Variants in CFAP221 observed in about 807,000 individuals in gnomAD.
The protein encoded by CFAP221 is cilia- and flagella-associated protein 221.
Under a neutral mutation model 113.1 loss-of-function variants are expected in CFAP221, and 97 were observed. The observed-to-expected ratio is 0.86, with a 90% CI of 0.73 to 1.02. The LOEUF (loss-of-function observed/expected upper bound fraction) is 1.02, where lower values mean the gene tolerates loss of function less well. Among genes scored for constraint, CFAP221 ranks in the 50% least tolerant of loss-of-function variants. CFAP221 has a pLI of 0.00. For synonymous variants in CFAP221, 331 were observed against 354.4 expected, an observed-to-expected ratio of 0.93 and a Z score of 0.74; for missense variants, 1,025 against 1,013.4, an observed-to-expected ratio of 1.01 and a Z score of -0.16.
At chr2:119,632,855 T>C (rs867619397) in intron 19 of CFAP221, among the ~76,000 whole-genome samples, 13 of 152,246 alleles carry the variant, frequency 8.5e-5, no homozygotes, top group African/African-American at 3.1e-4. Flanking sequence ...ACAAACATTC[T>C]GAAACTTAAG....
At chr2:119,652,123 CT>C in intron 23 of CFAP221, 54 bp downstream of exon 23, 2 of 1,429,418 alleles carry the variant, frequency 1.4e-6, no homozygotes, top group Admixed American at 1.7e-5. Flanking sequence ...GAAATTTGTT[CT>C]GCATAAAGTA....
rs1193718969 is a variant in CFAP221, at chr2:119,630,813, C to T, written c.1886C>T (p.Thr629Ile). 1.2e-6 allele frequency: 2 copies of T among 1,613,816 alleles called. No individual in the cohort carries two copies. The highest frequency in any genetic ancestry group is 1.7e-5 in the Admixed American group (1 of 59,998). ...ITALPKQDSTTQLSGKTSVLS... is the reference protein window; with the variant it reads ...ITALPKQDSTIQLSGKTSVLS... ...GCCCTTCCGAAACAGGACTCCACAA[C>T]TCAGCTCTCTGGCAAAACATCAGTC... Residue 629 changes from threonine to isoleucine, a missense_variant, in exon 19 of 24, where the codon ACT becomes ATT. Coordinates refer to ENST00000413369, the MANE Select transcript of CFAP221 (RefSeq NM_001271049.2).
chr2:119,652,882 A>T (rs1333875000), intron 23 of CFAP221, among the ~76,000 whole-genome samples: 1 of 149,916 alleles, frequency 6.7e-6, no homozygotes, highest in Non-Finnish European at 1.5e-5. Flanking sequence ...TATGATAAAA[A>T]CAACCATCCA....
chr2:119,636,476 ATAATG>A (rs1254657653), intron 19 of CFAP221, among the ~76,000 whole-genome samples: 2 of 152,360 alleles, frequency 1.3e-5, no homozygotes, highest in African/African-American at 4.8e-5. Context: ...CAAAAGCAGA[ATAATG>A]TAATCTTCAA....
chr2:119,547,685 C>T (rs1680147660), intron 2 of CFAP221, among the ~76,000 whole-genome samples: 1 of 152,200 alleles, frequency 6.6e-6, no homozygotes, highest in Non-Finnish European at 1.5e-5. Context: ...TCCCCTACCA[C>T]ACCAGCCTTA....
intron 6 of CFAP221, among the ~76,000 whole-genome samples, chr2:119,562,791 A>G (rs1430948270): frequency 6.6e-6 from 1 of 152,176 alleles, no homozygotes; most frequent in Non-Finnish European, 1.5e-5. Context: ...TTGCCCTTCA[A>G]TATCCATAGA....
rs528129185 is a variant in CFAP221 at position 119,647,400 on chromosome 2, C to T, written c.2318+350C>T. Among the ~76,000 whole-genome samples the T allele has an allele frequency of 3.9e-5, 6 of 152,260 alleles. 1 individual carries two copies. In the South Asian group the frequency reaches 1.2e-3, roughly 32 times the overall value. On this transcript the variant is annotated intron_variant, in intron 22 of 23. Coordinates refer to ENST00000413369, the MANE Select transcript of CFAP221 (RefSeq NM_001271049.2). The stretch of plus-strand genomic sequence containing the variant: ...GGATGGGCATAAAGAAATACAAGTC[C>T]AGAAGTAAGGCACTTACATTTGATT...
At chr2:119,558,294 C>G (rs1290492127) in intron 3 of CFAP221, among the ~76,000 whole-genome samples, 3 of 152,146 alleles carry the variant, frequency 2.0e-5, no homozygotes, top group Non-Finnish European at 4.4e-5. Context: ...CAGCAAACCT[C>G]TCCTCCCAGT....
intron 6 of CFAP221, among the ~76,000 whole-genome samples, chr2:119,562,439 C>T (rs1054765267): frequency 6.6e-6 from 1 of 152,112 alleles, no homozygotes; most frequent in African/African-American, 2.4e-5. Context: ...CACCATCTTG[C>T]GCTTCATTCT....
intron 19 of CFAP221, among the ~76,000 whole-genome samples, chr2:119,634,837 T>G (rs968404032): frequency 1.3e-5 from 2 of 152,194 alleles, no homozygotes; most frequent in African/African-American, 4.8e-5. Flanking sequence ...GGGGAGTTAC[T>G]AGGCAATAGG....
At chr2:119,561,069 A>C (rs1337243152) in intron 5 of CFAP221, among the ~76,000 whole-genome samples, 1 of 152,130 alleles carries the variant, frequency 6.6e-6, no homozygotes. Context: ...TGGGTGGATC[A>C]CCTGAGGTCA....
intron 3 of CFAP221, among the ~76,000 whole-genome samples, chr2:119,552,158 C>CTTT (rs772767971): frequency 1.3e-4 from 13 of 96,568 alleles, no homozygotes; most frequent in South Asian, 3.3e-4. Flanking sequence ...TAAAACTGGC[C>CTTT]TTTTTTTTTT....
intron 13 of CFAP221, among the ~76,000 whole-genome samples, chr2:119,613,489 A>T (rs1608045): frequency 1.3e-5 from 2 of 152,390 alleles, no homozygotes; most frequent in East Asian, 3.9e-4. Context: ...TCCCAAACCT[A>T]ATTTCTGGAC....
intron 2 of CFAP221, among the ~76,000 whole-genome samples, 190 bp from the exon 3 acceptor site, chr2:119,548,895 A>G (rs1680230239): frequency 6.6e-6 from 1 of 152,242 alleles, no homozygotes; most frequent in South Asian, 2.1e-4. Flanking sequence ...ATGTTTAAAA[A>G]TAGAGAGGGA....
chr2:119,579,347 G>T (rs1212058334), intron 6 of CFAP221, among the ~76,000 whole-genome samples: 2 of 151,596 alleles, frequency 1.3e-5, no homozygotes, highest in African/African-American at 4.8e-5. Flanking sequence ...AGATTTAATG[G>T]TATTTAACAA....
rs376920802 is a variant in CFAP221 at position 119,646,995 on chromosome 2, G to A, written c.2263G>A (p.Val755Ile). The A allele has an allele frequency of 8.7e-6, 14 of 1,613,578 alleles. No individual in the cohort carries two copies. The highest frequency in any genetic ancestry group is 3.3e-5 in the Admixed American group (2 of 59,976). Reference protein sequence around the residue: ...SFNSFMLPIDVPAILDALPEE... With the variant: ...SFNSFMLPIDIPAILDALPEE... ...CAATTCATTTATGCTTCCGATAGAC[G>A]TCCCTGCCATCCTTGATGCCTTACC... is the stretch of plus-strand genomic sequence containing the variant. Residue 755 changes from valine to isoleucine, a missense_variant, in exon 22 of 24, where the codon GTC becomes ATC. Physicochemically the swap from Val to Ile is conservative, Grantham distance 29. Coordinates refer to ENST00000413369, the MANE Select transcript of CFAP221 (RefSeq NM_001271049.2).
chr2:119,637,553 G>T (rs1464815116), intron 19 of CFAP221, among the ~76,000 whole-genome samples: 3 of 152,180 alleles, frequency 2.0e-5, no homozygotes, highest in Non-Finnish European at 4.4e-5. Flanking sequence ...AACATCTGAG[G>T]TTAAACAGCT....
chr2:119,555,831 G>T (rs550736816), intron 3 of CFAP221, among the ~76,000 whole-genome samples: 1 of 152,286 alleles, frequency 6.6e-6, no homozygotes, highest in African/African-American at 2.4e-5. Context: ...GTCTTCCTGG[G>T]CTCAGACAAA....
chr2:119,624,292 G>A (rs1686138162), intron 14 of CFAP221, among the ~76,000 whole-genome samples: 1 of 152,214 alleles, frequency 6.6e-6, no homozygotes, highest in Middle Eastern at 3.2e-3. Context: ...CTGGTCATTA[G>A]GGAAATGCAA....
Sources: gnomAD v4.1 joint callset for allele counts (sites outside exome capture counted in the v4.1 genomes callset) on GRCh38, gnomAD v4.1.1 for gene constraint, MANE v1.5 for transcripts, NCBI Gene and HGNC (gene_info 2026-07-23, HGNC 2026-07-21) for gene names.